Variants in TTC3 observed in about 807,000 individuals in gnomAD.
TTC3 encodes the protein tetratricopeptide repeat domain 3, also known as E3 ubiquitin-protein ligase TTC3.
In TTC3, 180 loss-of-function variants were observed where a neutral mutation model predicts 249.6. That is an observed-to-expected ratio of 0.72 (90% CI 0.64 to 0.82). The LOEUF (loss-of-function observed/expected upper bound fraction) is 0.82. Ranked by LOEUF, TTC3 falls within the 40% of genes least tolerant of loss-of-function variation. The pLI, the probability that TTC3 is intolerant of heterozygous loss-of-function variation, is 0.00. For missense variants in TTC3, 2,061 were observed against 2,398.4 expected, an observed-to-expected ratio of 0.86 and a Z score of 2.94; for synonymous variants, 717 against 805.0, an observed-to-expected ratio of 0.89 and a Z score of 1.85.
intron 40 of TTC3, among the ~76,000 whole-genome samples, 185 bp downstream of exon 40, chr21:37,191,609 G>A (rs924498750): frequency 3.3e-5 from 5 of 151,728 alleles, no homozygotes; most frequent in Non-Finnish European, 4.4e-5. Context: ...TTGGAGTTTC[G>A]CTCTTGTTGC....
intron 9 of TTC3, 33 bp from the exon 10 acceptor site, chr21:37,096,548 T>G: frequency 6.6e-7 from 1 of 1,515,938 alleles, no homozygotes; most frequent in South Asian, 1.2e-5. Flanking sequence ...ATGTGTAATG[T>G]GCTTTACTGA....
intron 11 of TTC3, among the ~76,000 whole-genome samples, chr21:37,115,985 G>A (rs74409116): frequency 0.058 from 8,794 of 152,090 alleles, 631 homozygotes; most frequent in African/African-American, 0.15. Flanking sequence ...TTTCTTCTTA[G>A]GACTTACCAT....
At chr21:37,195,352 A>G (rs927319306) in intron 41 of TTC3, among the ~76,000 whole-genome samples, 15 of 152,098 alleles carry the variant, frequency 9.9e-5, no homozygotes, top group Admixed American at 3.9e-4. Flanking sequence ...TACATGGTTT[A>G]GCTCAGAAGG....
At chr21:37,124,238 C>T (rs977985850) in intron 13 of TTC3, among the ~76,000 whole-genome samples, 4 of 150,174 alleles carry the variant, frequency 2.7e-5, no homozygotes, top group African/African-American at 7.4e-5. Flanking sequence ...GCCTCAGCCT[C>T]CCCAGTCGCT....
At chr21:37,191,990 T>C in intron 40 of TTC3, 122 bp from the exon 41 acceptor site, 1 of 613,378 alleles carries the variant, frequency 1.6e-6, no homozygotes, top group South Asian at 2.3e-5. Flanking sequence ...AGCATTCGGT[T>C]TAATGAGGTC....
chr21:37,147,501 T>C lies in TTC3; in HGVS notation c.1914T>C (p.Val638=), dbSNP rs956975937. The C allele has an allele frequency of 2.5e-6, 4 of 1,607,514 alleles. No homozygotes were observed. In the African/African-American group the frequency reaches 5.4e-5, roughly 22 times the overall value. Residue 638 remains valine (V), a synonymous_variant, in exon 22 of 46, where the codon GTT becomes GTC. Coordinates refer to ENST00000355666, the Ensembl canonical transcript of TTC3. ...TTTAGATGCTGTTAGAGAAATTTGT[T>C]GAAGAATGCAAGTTCCCTCCAGTGC...
chr21:37,128,539 A>G (rs1400503802), intron 15 of TTC3, among the ~76,000 whole-genome samples: 2 of 152,222 alleles, frequency 1.3e-5, no homozygotes, highest in Non-Finnish European at 2.9e-5. Flanking sequence ...CACAAATGCC[A>G]TATCCTCACT....
chr21:37,140,981 GT>G (rs2147959352), intron 20 of TTC3, among the ~76,000 whole-genome samples: 1 of 152,242 alleles, frequency 6.6e-6, no homozygotes, highest in South Asian at 2.1e-4. Context: ...ATAAACTAAT[GT>G]TTTTAAAATC....
chr21:37,194,992 C>G (rs2084707290), intron 41 of TTC3: 1 of 152,304 alleles, frequency 6.6e-6, no homozygotes, highest in South Asian at 2.1e-4. Context: ...GAGACCAGGC[C>G]CCATGTGTCC....
At chr21:37,125,407 G>C (rs1317214937) in intron 14 of TTC3, among the ~76,000 whole-genome samples, 1 of 152,174 alleles carries the variant, frequency 6.6e-6, no homozygotes, top group Non-Finnish European at 1.5e-5. Flanking sequence ...TGAGTTGTGA[G>C]AGATATTACT....
chr21:37,196,079 G>T, intron 42 of TTC3, 43 bp downstream of exon 42: 8 of 1,597,390 alleles, frequency 5.0e-6, no homozygotes, highest in Non-Finnish European at 6.8e-6. Context: ...ATACTTTATC[G>T]AACTGAGGTT....
At chr21:37,124,576 ACTTT>A in intron 13 of TTC3, 39 bp from the exon 14 acceptor site, 1 of 1,594,712 alleles carries the variant, frequency 6.3e-7, no homozygotes, top group Non-Finnish European at 8.5e-7. Context: ...TCAAAGGATA[ACTTT>A]CAAAAAATGT....
intron 11 of TTC3, among the ~76,000 whole-genome samples, chr21:37,113,683 CTACTT>C (rs1207061187): frequency 1.3e-5 from 2 of 152,154 alleles, no homozygotes; most frequent in African/African-American, 2.4e-5. Context: ...TGGAAAAAAA[CTACTT>C]TAAAGTTCAT....
chr21:37,180,129 C>G (rs2082622849), intron 35 of TTC3, among the ~76,000 whole-genome samples: 1 of 152,218 alleles, frequency 6.6e-6, no homozygotes, highest in African/African-American at 2.4e-5. Context: ...GCCCTTCTGT[C>G]TGCCATCACT....
chr21:37,141,854 A>G (rs1423202538), intron 20 of TTC3, among the ~76,000 whole-genome samples: 1 of 152,192 alleles, frequency 6.6e-6, no homozygotes, highest in African/African-American at 2.4e-5. Context: ...AATCCTTAAT[A>G]AAATACTGGC....
chr21:37,201,864 C>T (rs1283526590), exon 46 of TTC3: 3 of 373,642 alleles, frequency 8.0e-6, no homozygotes, highest in South Asian at 3.2e-5. Flanking sequence ...GTACTATGAA[C>T]GTCTCGAAGC....
intron 31 of TTC3, 147 bp from the exon 32 acceptor site, chr21:37,163,904 G>C: frequency 1.3e-6 from 1 of 751,130 alleles, no homozygotes; most frequent in Non-Finnish European, 2.0e-6. Flanking sequence ...TCTACACTAA[G>C]TTCCCTGGTG....
At chr21:37,168,793 A>G (rs2081468613) in intron 34 of TTC3, among the ~76,000 whole-genome samples, 1 of 152,178 alleles carries the variant, frequency 6.6e-6, no homozygotes, top group African/African-American at 2.4e-5. Context: ...TCGCTAAGTC[A>G]GGCATTCAGG....
intron 10 of TTC3, chr21:37,101,312 A>AT (rs1276143919): frequency 6.6e-6 from 1 of 152,032 alleles, no homozygotes; most frequent in Non-Finnish European, 1.5e-5. Flanking sequence ...GACTAGAGAT[A>AT]TAAAGCACTG....
Sources: allele counts gnomAD v4.1 joint callset (sites outside exome capture counted in the v4.1 genomes callset), GRCh38; gene constraint gnomAD v4.1.1; transcripts MANE v1.5; gene names NCBI Gene and HGNC (gene_info 2026-07-23, HGNC 2026-07-21).